Variants in GOLM2 observed in about 807,000 individuals in gnomAD.
GOLM2 encodes the protein protein GOLM2.
A neutral mutation model predicts 55.9 loss-of-function variants in GOLM2; 26 were observed. The ratio of observed to expected loss-of-function variants is 0.47; its 90% CI spans 0.34 to 0.65. The LOEUF is 0.65. Among genes scored for constraint, GOLM2 ranks in the 30% least tolerant of loss-of-function variants. The probability of loss-of-function intolerance (pLI) is 0.01; values close to 1 mark genes in which losing one functional copy is unlikely to be tolerated. For missense variants in GOLM2, 486 were observed against 531.8 expected (o/e 0.91, Z 0.85); for synonymous variants, 165 against 194.6 (o/e 0.85, Z 1.27).
intron 6 of GOLM2, among the ~76,000 whole-genome samples, chr15:44,363,172 C>T (rs2079254779): frequency 1.3e-5 from 2 of 152,058 alleles, no homozygotes; most frequent in African/African-American, 2.4e-5. Flanking sequence ...GCAATGGCAA[C>T]AAAAGCCAAA....
intron 9 of GOLM2, among the ~76,000 whole-genome samples, chr15:44,408,931 C>T (rs1001570425): frequency 6.6e-6 from 1 of 150,792 alleles, no homozygotes; most frequent in Non-Finnish European, 1.5e-5. Flanking sequence ...CTACTGCACT[C>T]CAGCCTGGGC....
chr15:44,324,898 C>T (rs2078971621), intron 2 of GOLM2, among the ~76,000 whole-genome samples: 2 of 152,126 alleles, frequency 1.3e-5, no homozygotes, highest in Admixed American at 6.5e-5. Flanking sequence ...TACAATCAAC[C>T]TGACTCGTGT....
chr15:44,326,566 C>T (rs1014183002), intron 2 of GOLM2, among the ~76,000 whole-genome samples: 2 of 150,766 alleles, frequency 1.3e-5, no homozygotes, highest in Admixed American at 6.6e-5. Context: ...TATTTTTATT[C>T]TAGTCTTTTT....
intron 1 of GOLM2, among the ~76,000 whole-genome samples, chr15:44,317,815 G>C (rs968887626): frequency 2.0e-5 from 3 of 152,080 alleles, no homozygotes; most frequent in African/African-American, 7.2e-5. Flanking sequence ...TCCTCTTCCT[G>C]TGTTTCCCTA....
chr15:44,310,740 C>A (rs1315912180), intron 1 of GOLM2, among the ~76,000 whole-genome samples: 1 of 151,450 alleles, frequency 6.6e-6, no homozygotes, highest in Admixed American at 6.6e-5. Context: ...ATACATAGGC[C>A]AGGCACAGTG....
chr15:44,320,547 C>G (rs1412330968), intron 1 of GOLM2, among the ~76,000 whole-genome samples: 5 of 152,142 alleles, frequency 3.3e-5, no homozygotes, highest in Admixed American at 6.6e-5. Flanking sequence ...TCAAGTGATC[C>G]TCTTGCTTTG....
chr15:44,395,155 C>T lies in GOLM2; in HGVS notation c.1073-7732C>T, dbSNP rs1452380704. Among the ~76,000 whole-genome samples the T allele has an allele frequency of 4.6e-5, 7 of 151,196 alleles. No individual in the cohort carries two copies. In the East Asian group the frequency reaches 9.8e-4, roughly 21 times the overall value. ...CTCTCCAAGGAGCTGGGACTACAGG[C>T]GCCCGCCACCACGCCCGGCTAATTT... On this transcript the variant is annotated intron_variant, in intron 8 of 9. Coordinates refer to ENST00000299957, the MANE Select transcript of GOLM2 (RefSeq NM_138423.4).
chr15:44,382,812 A>G (rs2079412971), intron 8 of GOLM2, among the ~76,000 whole-genome samples: 1 of 151,674 alleles, frequency 6.6e-6, no homozygotes. Context: ...AGTCCCAGCT[A>G]CTTGAGAGGC....
At chr15:44,370,819 C>G (rs1208925946) in intron 6 of GOLM2, among the ~76,000 whole-genome samples, 5 of 151,902 alleles carry the variant, frequency 3.3e-5, no homozygotes, top group Admixed American at 3.3e-4. Flanking sequence ...GCCAGCATGC[C>G]CACCTAATTT....
At chr15:44,310,456 A>T (rs9646195) in intron 1 of GOLM2, among the ~76,000 whole-genome samples, 2 of 124,392 alleles carry the variant, frequency 1.6e-5, no homozygotes, top group Non-Finnish European at 3.3e-5. Context: ...CTCTCTCTCT[A>T]TATATATATA....
At chr15:44,395,680 A>C (rs1208193322) in intron 8 of GOLM2, among the ~76,000 whole-genome samples, 1 of 151,874 alleles carries the variant, frequency 6.6e-6, no homozygotes, top group Non-Finnish European at 1.5e-5. Context: ...TCTCTCCTAA[A>C]AATGCAAAAA....
chr15:44,369,374 A>G (rs1010175982), intron 6 of GOLM2, among the ~76,000 whole-genome samples: 1 of 151,028 alleles, frequency 6.6e-6, no homozygotes, highest in African/African-American at 2.4e-5. Flanking sequence ...ACCACTCTCT[A>G]TCACATCTCC....
chr15:44,313,652 G>A (rs1232891678), intron 1 of GOLM2, among the ~76,000 whole-genome samples: 2 of 152,080 alleles, frequency 1.3e-5, no homozygotes, highest in Non-Finnish European at 2.9e-5. Flanking sequence ...CTTTCACTTA[G>A]CAGGTGTTCA....
chr15:44,307,648 A>G (rs569373649), intron 1 of GOLM2: 1 of 152,322 alleles, frequency 6.6e-6, no homozygotes, highest in East Asian at 1.9e-4. Context: ...TGTGATAGGG[A>G]TAGAAAGATA....
At chr15:44,403,251 C>T (rs1466110133) in intron 9 of GOLM2, 197 bp downstream of exon 9, 4 of 562,228 alleles carry the variant, frequency 7.1e-6, no homozygotes, top group African/African-American at 1.9e-5. Flanking sequence ...CAACCTCCAC[C>T]TCCCGGGTTC....
chr15:44,376,249 A>G (rs2079364289), intron 6 of GOLM2, among the ~76,000 whole-genome samples: 1 of 152,098 alleles, frequency 6.6e-6, no homozygotes, highest in Non-Finnish European at 1.5e-5. Flanking sequence ...AACAAAACAA[A>G]ACAAAACAAA....
chr15:44,365,451 T>A (rs1200224360), intron 6 of GOLM2, among the ~76,000 whole-genome samples: 1 of 151,918 alleles, frequency 6.6e-6, no homozygotes, highest in Non-Finnish European at 1.5e-5. Context: ...CACCTGAGCC[T>A]GGGAAGTTGA....
chr15:44,383,938 C>T (rs528373966), intron 8 of GOLM2, among the ~76,000 whole-genome samples: 1 of 152,202 alleles, frequency 6.6e-6, no homozygotes, highest in East Asian at 1.9e-4. Context: ...CTCAGCCTCC[C>T]AAAATGCTGG....
At chr15:44,335,033 A>G (rs969617615) in intron 4 of GOLM2, among the ~76,000 whole-genome samples, 6 of 152,158 alleles carry the variant, frequency 3.9e-5, no homozygotes, top group Non-Finnish European at 8.8e-5. Context: ...ACATCTCAAA[A>G]ATTAAAAAAT....
Sources: gnomAD v4.1 joint callset for allele counts (sites outside exome capture counted in the v4.1 genomes callset) on GRCh38, gnomAD v4.1.1 for gene constraint, MANE v1.5 for transcripts, NCBI Gene and HGNC (gene_info 2026-07-23, HGNC 2026-07-21) for gene names.